The following ZFYVE1 variants were observed in gnomAD, a reference collection of about 807,000 sequenced individuals.
ZFYVE1 encodes zinc finger FYVE domain-containing protein 1.
In ZFYVE1, 30 loss-of-function variants were observed where a neutral mutation model predicts 74.4. That is an observed-to-expected ratio of 0.40 (90% CI 0.30 to 0.55). ZFYVE1 has a LOEUF of 0.55. Among genes scored for constraint, ZFYVE1 ranks in the 20% least tolerant of loss-of-function variants. ZFYVE1 has a pLI of 0.42. For synonymous variants in ZFYVE1, 335 were observed against 385.1 expected (o/e 0.87, Z 1.52); for missense variants, 703 against 1,011.6 (o/e 0.69, Z 4.14).
intron 2 of ZFYVE1, among the ~76,000 whole-genome samples, chr14:73,001,622 C>T (rs116499201): frequency 0.011 from 1,742 of 152,176 alleles, 28 homozygotes; most frequent in African/African-American, 0.04. Context: ...GAGTTCTGTA[C>T]CTACCTCCCA....
chr14:72,990,095 A>G (rs1210371724), intron 4 of ZFYVE1, among the ~76,000 whole-genome samples: 2 of 152,232 alleles, frequency 1.3e-5, no homozygotes, highest in Admixed American at 1.3e-4. Context: ...GCAGACCTTA[A>G]AAGTGGCTAT....
At position 72,975,048 on chromosome 14, in the gene ZFYVE1, C is replaced by G; in HGVS notation, c.1807-89G>C. ...AAAGTCAACAAGACCCCGGAGCAAG[C>G]AGAAACTAAGGCAGGTGGCGTTAGC... is the stretch of plus-strand genomic sequence containing the variant. On this transcript the variant is annotated intron_variant, in intron 9 of 11. Coordinates refer to ENST00000556143, the MANE Select transcript of ZFYVE1 (RefSeq NM_021260.4). This position sits in a 1 kb window ranked among gnomAD's most constrained non-coding sequence, Gnocchi z 4.1. 3 of 1,430,086 alleles carry G rather than the reference C, an allele frequency of 2.1e-6. No individual in the cohort carries two copies. The highest frequency in any genetic ancestry group is 4.4e-5 in the Admixed American group (2 of 45,834). The allele number at this position is 1,430,086 out of a possible 1,614,324, so 88.6% of individuals were successfully genotyped here.
chr14:73,008,440 A>G (rs1223040548), intron 2 of ZFYVE1, among the ~76,000 whole-genome samples: 2 of 152,190 alleles, frequency 1.3e-5, no homozygotes, highest in Non-Finnish European at 2.9e-5. Context: ...TTACAGGCGT[A>G]AGCCACCATG....
intron 2 of ZFYVE1, among the ~76,000 whole-genome samples, chr14:73,014,474 G>A (rs910984116): frequency 6.6e-6 from 1 of 152,212 alleles, no homozygotes; most frequent in African/African-American, 2.4e-5. Context: ...GGCAATGATG[G>A]AGGAGGAGGC....
intron 2 of ZFYVE1, among the ~76,000 whole-genome samples, chr14:73,016,921 A>C (rs1295470261): frequency 1.3e-5 from 2 of 152,168 alleles, no homozygotes; most frequent in African/African-American, 4.8e-5. Flanking sequence ...AGAAAGTCTT[A>C]CCATCTCACT....
At position 72,975,682 on chromosome 14, in the gene ZFYVE1, G is replaced by A; in HGVS notation, c.1675C>T (p.Arg559Cys). The change falls in exon 9 of 12, where the codon CGC becomes TGC. Residue 559 changes from arginine (R) to cysteine (C), a missense_variant. By Grantham distance (180) the Arg-to-Cys change is radical. Around this residue, in one of 2 missense-constraint regions of ZFYVE1, gnomAD observed 492 missense variants for 790.0 expected, o/e 0.62. Transcript: ENST00000556143. The surrounding 1 kb of genome is among the most constrained non-coding windows in gnomAD (Gnocchi z 4.1). ...FLKDNNNAAQ[R>C]LLDGMNFMAQ... is the part of the protein sequence containing the mutation. ...ATGAAGTTCATCCCGTCCAACAGGC[G>A]CTGGGCAGCATTGTTGTTGTCCTTC... The A allele has an allele frequency of 3.7e-6, 6 of 1,614,134 alleles. No homozygotes were observed. Among genetic ancestry groups the A allele is most frequent in the South Asian group, 1.1e-5 (1 of 91,078 alleles).
intron 2 of ZFYVE1, among the ~76,000 whole-genome samples, chr14:73,000,286 T>C (rs1441825638): frequency 2.6e-5 from 4 of 152,104 alleles, no homozygotes; most frequent in Admixed American, 2.0e-4. Context: ...AAAACTACAG[T>C]GAGCTATCAC....
intron 4 of ZFYVE1, among the ~76,000 whole-genome samples, chr14:72,992,631 G>GCA: frequency 1.8e-5 from 1 of 56,278 alleles, no homozygotes; most frequent in African/African-American, 7.3e-5. Context: ...CCCGCCCCTT[G>GCA]CAAGAGAGAG....
intron 4 of ZFYVE1, among the ~76,000 whole-genome samples, chr14:72,992,108 C>T (rs1246222946): frequency 1.3e-5 from 2 of 152,034 alleles, no homozygotes; most frequent in African/African-American, 2.4e-5. Context: ...GGGGTTTCAC[C>T]ATGTTGGCCA....
intron 3 of ZFYVE1, among the ~76,000 whole-genome samples, chr14:72,996,130 T>C (rs1893743283): frequency 6.6e-6 from 1 of 151,956 alleles, no homozygotes; most frequent in Non-Finnish European, 1.5e-5. Context: ...AGGGGCTGCA[T>C]TCAGTGGGCA....
Position 72,970,046 on chromosome 14 carries a change from G to A in ZFYVE1, c.*836C>T, listed in dbSNP as rs189510954. 142 of 375,128 alleles carry A rather than the reference G, an allele frequency of 3.8e-4. 1 individual carries two copies. The highest frequency in any genetic ancestry group is 2.7e-3 in the African/African-American group (131 of 48,146). The allele number at this position is 375,128 out of a possible 1,614,324, so 23.2% of individuals were successfully genotyped here. Reference sequence around the variant, plus strand: ...GGGGGCCGAGGGGTGGGAGGCAGATGCTTCGATTGAGGAGCTGGGTGCCGC... The same window carrying A: ...GGGGGCCGAGGGGTGGGAGGCAGATACTTCGATTGAGGAGCTGGGTGCCGC... On this transcript the variant is annotated 3_prime_UTR_variant, in exon 12 of 12. Transcript: ENST00000556143.
chr14:73,014,881 G>C (rs1228729183), intron 2 of ZFYVE1, among the ~76,000 whole-genome samples: 2 of 152,146 alleles, frequency 1.3e-5, no homozygotes, highest in Non-Finnish European at 1.5e-5. Context: ...CAGCAGACAA[G>C]CCTGAAATAG....
At position 72,993,337 on chromosome 14, in the gene ZFYVE1, C is replaced by G. The variant is rs1441434402; in HGVS notation, c.1009G>C (p.Glu337Gln). Residue 337 changes from glutamate to glutamine, a missense_variant, in exon 4 of 12, where the codon GAG becomes CAG. Around this residue, in one of 2 missense-constraint regions of ZFYVE1, gnomAD observed 492 missense variants for 790.0 expected, o/e 0.62. Transcript: ENST00000556143. Reference protein sequence around the residue: ...LGSDHPSEVPEKLIQDRFRKL... With the variant: ...LGSDHPSEVPQKLIQDRFRKL... ...CGGAACCGGTCCTGGATGAGCTTCT[C>G]TGGCACCTCTGAGGGATGATCTATA... 2 of 1,612,678 alleles carry G rather than the reference C, an allele frequency of 1.2e-6. No homozygotes were observed. The highest frequency in any genetic ancestry group is 3.3e-5 in the Admixed American group (2 of 59,760).
Position 72,977,450 on chromosome 14 carries a change from A to T in ZFYVE1, c.1635+477T>A, listed in dbSNP as rs1469709965. Among the ~76,000 whole-genome samples, 3 of 152,146 alleles carry T rather than the reference A, an allele frequency of 2.0e-5. No individual in the cohort carries two copies. The East Asian group carries it at 5.8e-4, about 29-fold the overall frequency. The stretch of plus-strand genomic sequence containing the variant: ...AAGATTAAGCGTCTATAGGAATCCC[A>T]CTTCTTAGAATATACTTCAAGAAAA... On this transcript the variant is annotated intron_variant, in intron 8 of 11. Coordinates refer to ENST00000556143, the MANE Select transcript of ZFYVE1 (RefSeq NM_021260.4).
At position 72,974,196 on chromosome 14, in the gene ZFYVE1, G is replaced by A; in HGVS notation, c.1988-3C>T. Reference sequence around the variant, plus strand: ...GTCCACTTGTGCCTCGGTAACAGCTGTAGACAGTAATAAAGGAAATGCTGT... The same window carrying A: ...GTCCACTTGTGCCTCGGTAACAGCTATAGACAGTAATAAAGGAAATGCTGT... On this transcript the variant is annotated splice_region_variant and splice_polypyrimidine_tract_variant and intron_variant, in intron 10 of 11. Coordinates refer to ENST00000556143, the MANE Select transcript of ZFYVE1 (RefSeq NM_021260.4). The A allele has an allele frequency of 1.2e-6, 2 of 1,613,648 alleles. No individual in the cohort carries two copies. Among genetic ancestry groups the A allele is most frequent in the Non-Finnish European group, 1.7e-6 (2 of 1,179,596 alleles).
intron 11 of ZFYVE1, 46 bp from the exon 12 acceptor site, chr14:72,971,160 G>A (rs546070078): frequency 2.1e-5 from 33 of 1,599,934 alleles, no homozygotes; most frequent in Middle Eastern, 1.7e-4. Context: ...CCAATACCCC[G>A]AGGCCCAACT....
chr14:73,012,137 T>C (rs1478366482), intron 2 of ZFYVE1, among the ~76,000 whole-genome samples: 1 of 151,258 alleles, frequency 6.6e-6, no homozygotes, highest in Non-Finnish European at 1.5e-5. Flanking sequence ...AAGTGGAGGG[T>C]TGGGGAGAAG....
chr14:73,026,432 T>C (rs1894462410), intron 1 of ZFYVE1, among the ~76,000 whole-genome samples: 1 of 152,122 alleles, frequency 6.6e-6, no homozygotes, highest in African/African-American at 2.4e-5. Flanking sequence ...ATCAACCTTA[T>C]TTTCAGATAA....
intron 3 of ZFYVE1, among the ~76,000 whole-genome samples, chr14:72,995,187 A>G (rs1052399605): frequency 6.6e-6 from 1 of 152,124 alleles, no homozygotes; most frequent in African/African-American, 2.4e-5. Context: ...CTCCACCTCC[A>G]GGGTTCAAGC....
Sources: allele counts gnomAD v4.1 joint callset (sites outside exome capture counted in the v4.1 genomes callset), GRCh38; gene constraint gnomAD v4.1.1; regional missense constraint gnomAD v4.1.1; non-coding constraint Gnocchi (gnomAD v3.1); transcripts MANE v1.5; gene names NCBI Gene and HGNC (gene_info 2026-07-23, HGNC 2026-07-21).